Variants in TRPM4 observed in about 807,000 individuals in gnomAD.
The protein encoded by TRPM4 is calcium-activated non-selective cation channel 1.
A neutral mutation model predicts 135.6 loss-of-function variants in TRPM4; 124 were observed. The observed-to-expected ratio is 0.91, with a 90% CI of 0.79 to 1.06. The LOEUF is 1.06. Ranked by LOEUF, TRPM4 falls within the 50% of genes least tolerant of loss-of-function variation. The pLI is 0.00. For missense variants in TRPM4, 1,658 were observed against 1,671.4 expected (o/e 0.99, Z 0.14); for synonymous variants, 745 against 705.6 (o/e 1.06, Z -0.88).
At chr19:49,200,895 C>T in intron 19 of TRPM4, 110 bp downstream of exon 19, 1 of 1,252,776 alleles carries the variant, frequency 8.0e-7, no homozygotes, top group Non-Finnish European at 1.1e-6. Flanking sequence ...TCTCTGTCTC[C>T]CTCTTTCTCT....
intron 12 of TRPM4, among the ~76,000 whole-genome samples, chr19:49,184,656 AT>A (rs1968129702): frequency 1.3e-5 from 2 of 150,166 alleles, no homozygotes; most frequent in South Asian, 4.2e-4. Flanking sequence ...ATTTTTTTGT[AT>A]TTTTTTAGAG....
rs776594558 is a variant in TRPM4, at chr19:49,167,890, G to T, written c.268-27G>T. 2.5e-6 allele frequency: 4 copies of T among 1,610,502 alleles called. 1 individual carries two copies. The highest frequency in any genetic ancestry group is 3.4e-6 in the Non-Finnish European group (4 of 1,177,634). On this transcript the variant is annotated intron_variant, in intron 3 of 24. Coordinates refer to ENST00000252826, the MANE Select transcript of TRPM4 (RefSeq NM_017636.4). ...TCTCTGGGTCTCTGTCCCCCTCCCT[G>T]TGTGCCCCGCTCCCATGTGTCCACA...
At chr19:49,197,324 C>A (rs1201318365) in intron 17 of TRPM4, among the ~76,000 whole-genome samples, 1 of 112,546 alleles carries the variant, frequency 8.9e-6, no homozygotes, top group East Asian at 2.3e-4. Flanking sequence ...TTCTTTCTTT[C>A]TTTCTTTCTT....
chr19:49,201,994 CGGAGCCCGGCTTCTGGGCACACCCTCCT>C lies in TRPM4; in HGVS notation c.2987_3014del (p.Glu996GlyfsTer118), dbSNP rs765535147. The stretch of plus-strand genomic sequence containing the variant: ...CTCATGGAGCACAGCAACTGCTCGT[CGGAGCCCGGCTTCTGGGCACACCCTCCT>C]GGGGCCCAGGCGGGCACCTGCGTCT... On this transcript the variant is annotated frameshift_variant, in exon 20 of 25. Transcript: ENST00000252826. LOFTEE classifies it high-confidence loss of function. The C allele has an allele frequency of 8.4e-5, 135 of 1,613,806 alleles. 1 individual carries two copies. In the East Asian group the frequency reaches 2.5e-3, roughly 30 times the overall value.
chr19:49,158,102 G>T, intron 1 of TRPM4, 90 bp from the exon 2 acceptor site: 2 of 1,390,262 alleles, frequency 1.4e-6, no homozygotes, highest in Non-Finnish European at 2.0e-6. Context: ...TCCGTGGGGA[G>T]CGCACGGGGT....
chr19:49,209,386 A>G (rs1291327620), intron 20 of TRPM4, among the ~76,000 whole-genome samples: 1 of 152,174 alleles, frequency 6.6e-6, no homozygotes, highest in East Asian at 1.9e-4. Flanking sequence ...TCACCAGCAC[A>G]GCCATCTGGT....
intron 2 of TRPM4, among the ~76,000 whole-genome samples, chr19:49,160,779 C>T (rs1311411342): frequency 6.6e-6 from 1 of 151,608 alleles, no homozygotes. Flanking sequence ...AACAGGAGCT[C>T]GGGAGGAGGC....
intron 16 of TRPM4, among the ~76,000 whole-genome samples, chr19:49,191,076 C>T (rs1968394780): frequency 6.6e-6 from 1 of 152,090 alleles, no homozygotes; most frequent in Admixed American, 6.6e-5. Context: ...CCACATAGAT[C>T]TCATGTGAAC....
chr19:49,180,952 C>T (rs1250926367), intron 9 of TRPM4, among the ~76,000 whole-genome samples: 1 of 152,060 alleles, frequency 6.6e-6, no homozygotes, highest in Non-Finnish European at 1.5e-5. Context: ...ATATGCCTAC[C>T]TCTGAGGGCA....
rs751134895 is a variant in TRPM4, at chr19:49,166,084, G to A, written c.136G>A (p.Ala46Thr). Reference protein sequence around the residue: ...QCGRPRTAHPAVAMEDAFGAA... With the variant: ...QCGRPRTAHPTVAMEDAFGAA... ...TGGGCGCCCCCGGACCGCCCACCCC[G>A]CAGTGGCCATGGAGGATGCCTTCGG... The change falls in exon 3 of 25, where the codon GCA (alanine) becomes ACA (threonine). Residue 46 changes from alanine (A) to threonine (T), a missense_variant. By Grantham distance (58) the Ala-to-Thr change is moderately conservative (BLOSUM62 0). Transcript: ENST00000252826. 5.6e-6 allele frequency: 9 copies of A among 1,602,600 alleles called. No individual in the cohort carries two copies. The highest frequency in any genetic ancestry group is 1.7e-5 in the Admixed American group (1 of 57,968).
chr19:49,207,636 CAAAAAA>C (rs34758808), intron 20 of TRPM4, among the ~76,000 whole-genome samples: 1 of 38,992 alleles, frequency 2.6e-5, no homozygotes, highest in African/African-American at 8.9e-5. Context: ...AACCTTGTCT[CAAAAAA>C]AAAAAAAAAA....
intron 10 of TRPM4, 123 bp from the exon 11 acceptor site, chr19:49,182,448 CCACCCAT>C (rs1327926266): frequency 1.3e-4 from 96 of 730,726 alleles, no homozygotes; most frequent in Non-Finnish European, 1.8e-4. Flanking sequence ...ATCCATCCAT[CCACCCAT>C]CCATCCATCC....
In TRPM4 at chr19:49,210,721, TC is replaced by T; in HGVS notation, c.3341del (p.Ser1114LeufsTer9). 1 of 1,614,142 alleles carries T rather than the reference TC, an allele frequency of 6.2e-7. No individual in the cohort carries two copies. The highest frequency in any genetic ancestry group is 8.5e-7 in the Non-Finnish European group (1 of 1,180,028). On this transcript the variant is annotated frameshift_variant, in exon 22 of 25. Coordinates refer to ENST00000252826, the MANE Select transcript of TRPM4 (RefSeq NM_017636.4). LOFTEE classifies it high-confidence loss of function. The surrounding 1 kb of genome is among the most constrained non-coding windows in gnomAD (Gnocchi z 4.1). ...PALEHFRVYL[S>X]KEAERKLLTW... ...GCCCGCCCCTGCAGGGGTTTACCTT[TC>T]TAAGGAAGCCGAGCGGAAGCTGCTA...
In TRPM4 at chr19:49,210,366, C is replaced by T. The variant is rs746818575; in HGVS notation, c.3289C>T (p.Arg1097Trp). The T allele has an allele frequency of 6.2e-7, 1 of 1,614,092 alleles. No individual in the cohort carries two copies. The highest frequency in any genetic ancestry group is 1.7e-5 in the Admixed American group (1 of 60,026). Residue 1097 changes from arginine (R) to tryptophan (W), a missense_variant, in exon 21 of 25, where the codon CGG becomes TGG. This residue lies in a region of TRPM4 where 1,412 missense variants were observed against 1,408.7 expected (regional missense o/e 1.00). Coordinates refer to ENST00000252826, the MANE Select transcript of TRPM4 (RefSeq NM_017636.4). This position sits in a 1 kb window ranked among gnomAD's most constrained non-coding sequence, Gnocchi z 4.1. ...LLLRQLCRRPRSPQPSSPALE... is the reference protein window; with the variant it reads ...LLLRQLCRRPWSPQPSSPALE... ...GCTCAGGCAATTGTGCAGGCGACCCCGGAGCCCCCAGCCGTCCTCCCCGGC... is the reference window on the plus strand; with the variant it reads ...GCTCAGGCAATTGTGCAGGCGACCCTGGAGCCCCCAGCCGTCCTCCCCGGC...
In TRPM4 at chr19:49,182,467, T is replaced by TCCAC. The variant is rs1442820963; in HGVS notation, c.1264-108_1264-107insCCCA. 15 of 415,846 alleles carry TCCAC rather than the reference T, an allele frequency of 3.6e-5. No individual in the cohort carries two copies. The African/African-American group carries it at 4.0e-4, about 11-fold the overall frequency. The allele number at this position is 415,846 out of a possible 1,614,324, so 25.8% of individuals were successfully genotyped here. A position where few individuals can be genotyped will look rare whatever the true frequency, so the allele number is the denominator to read the frequency against. On this transcript the variant is annotated intron_variant, in intron 10 of 24. Coordinates refer to ENST00000252826, the MANE Select transcript of TRPM4 (RefSeq NM_017636.4). ...ATCCATCCACCCATCCATCCATCCATCCATCCATCCATCCATCCATCCATC... is the reference window on the plus strand; with the variant it reads ...ATCCATCCACCCATCCATCCATCCATCCACCCATCCATCCATCCATCCATCCATC...
At chr19:49,183,036 T>C (rs990311699) in intron 11 of TRPM4, 42 bp from the exon 12 acceptor site, 7 of 1,607,296 alleles carry the variant, frequency 4.4e-6, no homozygotes, top group Non-Finnish European at 5.9e-6. Context: ...TGGCCAGTGT[T>C]GGGGAGGGGC....
intron 20 of TRPM4, among the ~76,000 whole-genome samples, chr19:49,203,045 C>T (rs1968997557): frequency 6.6e-6 from 1 of 151,972 alleles, no homozygotes; most frequent in Non-Finnish European, 1.5e-5. Flanking sequence ...TGCCCGCCAC[C>T]ACGCCCAGCT....
Position 49,210,372 on chromosome 19 carries a change from C to T in TRPM4, c.3295C>T (p.Pro1099Ser). 1 of 1,614,048 alleles carries T rather than the reference C, an allele frequency of 6.2e-7. No homozygotes were observed. Among genetic ancestry groups the T allele is most frequent in the Non-Finnish European group, 8.5e-7 (1 of 1,180,048 alleles). The part of the protein sequence containing the change: ...LRQLCRRPRS[P>S]QPSSPALEHF... Reference sequence around the variant, plus strand: ...GCAATTGTGCAGGCGACCCCGGAGCCCCCAGCCGTCCTCCCCGGCCCTCGA... The same window carrying T: ...GCAATTGTGCAGGCGACCCCGGAGCTCCCAGCCGTCCTCCCCGGCCCTCGA... Residue 1099 changes from proline to serine, a missense_variant, in exon 21 of 25, where the codon CCC (proline) becomes TCC (serine). Coordinates refer to ENST00000252826, the MANE Select transcript of TRPM4 (RefSeq NM_017636.4). This position sits in a 1 kb window ranked among gnomAD's most constrained non-coding sequence, Gnocchi z 4.1.
chr19:49,191,663 C>A (rs1968418488), intron 16 of TRPM4, among the ~76,000 whole-genome samples: 1 of 152,016 alleles, frequency 6.6e-6, no homozygotes, highest in Non-Finnish European at 1.5e-5. Flanking sequence ...CCACACCTGG[C>A]TAACTTTTGT....
Sources: gnomAD v4.1 joint callset for allele counts (sites outside exome capture counted in the v4.1 genomes callset) on GRCh38, gnomAD v4.1.1 for gene constraint, gnomAD v4.1.1 regional missense constraint, Gnocchi (gnomAD v3.1) non-coding constraint, MANE v1.5 for transcripts, NCBI Gene and HGNC (gene_info 2026-07-23, HGNC 2026-07-21) for gene names.